The following SEM1 variants were observed in gnomAD, a reference collection of about 807,000 sequenced individuals.
SEM1 encodes the protein SEM1 26S proteasome subunit.
In SEM1, 3 loss-of-function variants were observed where a neutral mutation model predicts 12.7. The ratio of observed to expected loss-of-function variants is 0.24; its 90% CI spans 0.11 to 0.61. The LOEUF is 0.61. SEM1 is among the 20% of genes least tolerant of loss of function. The pLI, the probability that SEM1 is intolerant of heterozygous loss-of-function variation, is 0.88. For synonymous variants in SEM1, 30 were observed against 27.8 expected (o/e 1.08, Z -0.25); for missense variants, 59 against 81.3 (o/e 0.73, Z 1.06).
At chr7:96,492,596 T>G (rs1309292407) in intron 1 of SEM1, among the ~76,000 whole-genome samples, 1 of 141,510 alleles carries the variant, frequency 7.1e-6, no homozygotes, top group African/African-American at 2.6e-5. Context: ...TTTTTTTTTT[T>G]TTTTTTTTTT....
intron 2 of SEM1, among the ~76,000 whole-genome samples, chr7:96,520,385 C>T (rs1804232539): frequency 6.6e-6 from 1 of 152,068 alleles, no homozygotes; most frequent in African/African-American, 2.4e-5. Context: ...TTGTGAGAAT[C>T]AGATGATGAA....
intron 1 of SEM1, among the ~76,000 whole-genome samples, chr7:96,491,962 A>G (rs756130922): frequency 9.2e-5 from 14 of 152,186 alleles, no homozygotes; most frequent in Non-Finnish European, 1.5e-4. Context: ...GGCAGGTCCT[A>G]TGTTTGAATT....
chr7:96,678,016 C>A (rs1321155194), intron 2 of SEM1, among the ~76,000 whole-genome samples: 1 of 152,138 alleles, frequency 6.6e-6, no homozygotes, highest in African/African-American at 2.4e-5. Context: ...GAATACAATG[C>A]CTGACGCTTG....
At chr7:96,666,438 T>C (rs1339577337) in intron 2 of SEM1, among the ~76,000 whole-genome samples, 1 of 152,156 alleles carries the variant, frequency 6.6e-6, no homozygotes, top group Non-Finnish European at 1.5e-5. Flanking sequence ...ACCTACATTG[T>C]TGGATTGTAG....
At chr7:96,608,810 A>G (rs973563715) in intron 2 of SEM1, among the ~76,000 whole-genome samples, 11 of 152,294 alleles carry the variant, frequency 7.2e-5, no homozygotes, top group Non-Finnish European at 1.3e-4. Flanking sequence ...CATTTTGTTT[A>G]TCCCTTCATC....
intron 2 of SEM1, among the ~76,000 whole-genome samples, chr7:96,532,375 C>T (rs992019868): frequency 6.6e-6 from 1 of 152,006 alleles, no homozygotes; most frequent in Non-Finnish European, 1.5e-5. Flanking sequence ...GAGTAATAAG[C>T]ATTCAGTGTT....
chr7:96,699,459 C>T (rs970120849), intron 1 of SEM1, among the ~76,000 whole-genome samples: 45 of 152,204 alleles, frequency 3.0e-4, no homozygotes, highest in African/African-American at 1.0e-3. Context: ...ATTTTAAAAA[C>T]CACTTCTCAT....
At chr7:96,696,443 A>G (rs1790101833) in intron 1 of SEM1, 1 of 152,016 alleles carries the variant, frequency 6.6e-6, no homozygotes, top group African/African-American at 2.4e-5. Context: ...TAAACTTTGT[A>G]GCCTTAATAC....
intron 2 of SEM1, among the ~76,000 whole-genome samples, chr7:96,525,008 C>T (rs1433584661): frequency 6.6e-6 from 1 of 152,062 alleles, no homozygotes; most frequent in Non-Finnish European, 1.5e-5. Flanking sequence ...GCTCAACAGC[C>T]ACAGACTGCT....
chr7:96,553,191 T>G (rs1256731383), intron 2 of SEM1, among the ~76,000 whole-genome samples: 2 of 150,216 alleles, frequency 1.3e-5, no homozygotes, highest in Non-Finnish European at 3.0e-5. Flanking sequence ...AGAAGCTCTT[T>G]AGTTTAATTA....
At chr7:96,701,684 T>C (rs1380095169) in intron 1 of SEM1, among the ~76,000 whole-genome samples, 3 of 152,030 alleles carry the variant, frequency 2.0e-5, no homozygotes, top group Non-Finnish European at 4.4e-5. Flanking sequence ...GAGAAAAACA[T>C]AATGGTTAAT....
intron 2 of SEM1, among the ~76,000 whole-genome samples, chr7:96,616,335 G>A (rs572892556): frequency 4.3e-4 from 66 of 152,124 alleles, no homozygotes; most frequent in African/African-American, 1.6e-3. Context: ...CCACTTGTGT[G>A]TCCTCTTTTG....
intron 2 of SEM1, among the ~76,000 whole-genome samples, chr7:96,543,253 T>G: frequency 1.3e-5 from 2 of 152,090 alleles, no homozygotes; most frequent in Middle Eastern, 6.8e-3. Flanking sequence ...CATTTACATT[T>G]TATTGGGAGT....
At chr7:96,483,884 A>G (rs1379582102) in exon 4 of SEM1, 26 of 1,536,768 alleles carry the variant, frequency 1.7e-5, no homozygotes, top group Non-Finnish European at 2.1e-5. Flanking sequence ...TGCTGGGGCC[A>G]GATTGTAGAG....
chr7:96,519,963 A>G (rs991146048), intron 2 of SEM1, among the ~76,000 whole-genome samples: 4 of 152,114 alleles, frequency 2.6e-5, no homozygotes, highest in Admixed American at 2.6e-4. Context: ...TTAATTAGAA[A>G]TTCGGCTCTT....
At chr7:96,535,275 T>G (rs1804753183) in intron 2 of SEM1, among the ~76,000 whole-genome samples, 1 of 151,932 alleles carries the variant, frequency 6.6e-6, no homozygotes, top group Non-Finnish European at 1.5e-5. Context: ...CCTAGACCAC[T>G]AAATTTTTCA....
chr7:96,691,296 T>G (rs894522284), intron 2 of SEM1, among the ~76,000 whole-genome samples: 1 of 152,142 alleles, frequency 6.6e-6, no homozygotes, highest in Non-Finnish European at 1.5e-5. Context: ...GCCTGCGACA[T>G]GGACAGTTTT....
intron 2 of SEM1, among the ~76,000 whole-genome samples, chr7:96,529,936 A>T (rs556269067): frequency 6.6e-6 from 1 of 152,226 alleles, no homozygotes; most frequent in South Asian, 2.1e-4. Flanking sequence ...CTAGCATAAA[A>T]ACAGTTGTAC....
chr7:96,589,825 A>G (rs947284790), intron 2 of SEM1, among the ~76,000 whole-genome samples: 16 of 152,186 alleles, frequency 1.1e-4, no homozygotes, highest in African/African-American at 3.9e-4. Flanking sequence ...TAATTAGACT[A>G]CTATTTCTCC....
Sources: allele counts gnomAD v4.1 joint callset (sites outside exome capture counted in the v4.1 genomes callset), GRCh38; gene constraint gnomAD v4.1.1; transcripts MANE v1.5; gene names NCBI Gene and HGNC (gene_info 2026-07-23, HGNC 2026-07-21).